MERTK: variants seen among roughly 807,000 people sequenced by gnomAD.
The protein encoded by MERTK is tyrosine-protein kinase Mer.
Under a neutral mutation model 99.3 loss-of-function variants are expected in MERTK, and 69 were observed. That is an observed-to-expected ratio of 0.70 (90% CI 0.57 to 0.85). The LOEUF is 0.85. Ranked by LOEUF, MERTK falls within the 40% of genes least tolerant of loss-of-function variation. The pLI is 0.00. For synonymous variants in MERTK, 426 were observed against 467.6 expected, an observed-to-expected ratio of 0.91 and a Z score of 1.15; for missense variants, 1,125 against 1,249.4, an observed-to-expected ratio of 0.90 and a Z score of 1.50.
intron 1 of MERTK, among the ~76,000 whole-genome samples, chr2:111,899,137 C>T (rs937813385): frequency 1.3e-5 from 2 of 152,176 alleles, no homozygotes; most frequent in African/African-American, 2.4e-5. Flanking sequence ...ACGAGTGGAA[C>T]GTAGGTAGCA....
intron 7 of MERTK, among the ~76,000 whole-genome samples, chr2:111,980,120 C>G (rs1355140340): frequency 6.6e-6 from 1 of 152,208 alleles, no homozygotes; most frequent in Non-Finnish European, 1.5e-5. Flanking sequence ...TAGCCGCTCA[C>G]TTCCTCTAGA....
intron 10 of MERTK, among the ~76,000 whole-genome samples, chr2:111,999,607 C>G (rs1676825618): frequency 6.6e-6 from 1 of 152,144 alleles, no homozygotes; most frequent in Non-Finnish European, 1.5e-5. Flanking sequence ...TTTTTTAGAA[C>G]AGTTTTAATT....
At chr2:111,909,332 A>G (rs760184509) in intron 1 of MERTK, among the ~76,000 whole-genome samples, 21 of 152,174 alleles carry the variant, frequency 1.4e-4, no homozygotes, top group Non-Finnish European at 2.8e-4. Flanking sequence ...GCCCACCAGA[A>G]GTTTTGCCCA....
chr2:111,996,207 A>G (rs1407909081), intron 9 of MERTK: 1 of 150,804 alleles, frequency 6.6e-6, no homozygotes, highest in Non-Finnish European at 1.5e-5. Flanking sequence ...CCACAGTTAA[A>G]TAACACCCAT....
At position 111,968,222 on chromosome 2, in the gene MERTK, A is replaced by G. The variant is rs1412334758; in HGVS notation, c.930A>G (p.Gly310=). ...TCTCCTGGGTTCCTGGTTTTGATGGATACTCCCCGTTCAGGAATTGCAGCA... is the reference window on the plus strand; with the variant it reads ...TCTCCTGGGTTCCTGGTTTTGATGGGTACTCCCCGTTCAGGAATTGCAGCA... ...ILISWVPGFD[G]YSPFRNCSIQ... is the part of the protein sequence containing the mutation. The change falls in exon 6 of 19, where the codon GGA becomes GGG. Residue 310 remains glycine, a synonymous_variant. Coordinates refer to ENST00000295408, the MANE Select transcript of MERTK (RefSeq NM_006343.3). 6 of 1,613,742 alleles carry G rather than the reference A, an allele frequency of 3.7e-6. No individual in the cohort carries two copies. The highest frequency in any genetic ancestry group is 5.1e-6 in the Non-Finnish European group (6 of 1,179,872).
At chr2:111,960,637 T>C (rs1685232534) in intron 4 of MERTK, among the ~76,000 whole-genome samples, 1 of 151,998 alleles carries the variant, frequency 6.6e-6, no homozygotes, top group Admixed American at 6.6e-5. Context: ...AAGAAAATAT[T>C]TTTGCAATTT....
At chr2:111,935,546 A>G (rs1291093224) in intron 2 of MERTK, among the ~76,000 whole-genome samples, 1 of 152,084 alleles carries the variant, frequency 6.6e-6, no homozygotes, top group African/African-American at 2.4e-5. Context: ...ACATTTAAGT[A>G]CGAATCCCAT....
At chr2:112,028,070 A>G (rs948909175) in intron 18 of MERTK, 10 of 463,380 alleles carry the variant, frequency 2.2e-5, no homozygotes, top group Non-Finnish European at 2.7e-5. Flanking sequence ...GCCCGCCGCC[A>G]TATAAAGAAA....
chr2:111,947,654 A>G, intron 4 of MERTK, 87 bp downstream of exon 4: 1 of 1,459,820 alleles, frequency 6.9e-7, no homozygotes, highest in Non-Finnish European at 9.6e-7. Flanking sequence ...CACCACTAGC[A>G]GGCAGTGGAG....
intron 2 of MERTK, chr2:111,940,664 C>A: frequency 1.4e-6 from 1 of 709,372 alleles, no homozygotes; most frequent in Non-Finnish European, 2.7e-6. Flanking sequence ...GGATTATTTA[C>A]GTCCAAATTT....
intron 1 of MERTK, among the ~76,000 whole-genome samples, chr2:111,918,240 C>T: frequency 6.6e-6 from 1 of 152,170 alleles, no homozygotes; most frequent in East Asian, 1.9e-4. Context: ...TCTTTGTTCT[C>T]TGTTACTTAG....
At chr2:112,006,719 A>G (rs536655790) in intron 13 of MERTK, among the ~76,000 whole-genome samples, 132 of 152,302 alleles carry the variant, frequency 8.7e-4, no homozygotes, top group African/African-American at 3.0e-3. Flanking sequence ...GCTCAGCTAC[A>G]TTTACCTGCA....
intron 5 of MERTK, among the ~76,000 whole-genome samples, chr2:111,967,513 G>A (rs996417619): frequency 6.6e-6 from 1 of 151,918 alleles, no homozygotes; most frequent in Non-Finnish European, 1.5e-5. Flanking sequence ...TGTTTCCAAG[G>A]TCATAGCCCA....
At chr2:112,008,515 T>A in intron 14 of MERTK, 40 bp downstream of exon 14, 1 of 1,424,764 alleles carries the variant, frequency 7.0e-7, no homozygotes, top group Non-Finnish European at 9.9e-7. Context: ...CCAAGAGGGC[T>A]CTGCTGATCT....
chr2:111,980,086 G>A (rs1676338232), intron 7 of MERTK, among the ~76,000 whole-genome samples: 3 of 152,150 alleles, frequency 2.0e-5, no homozygotes, highest in African/African-American at 7.2e-5. Flanking sequence ...CCCCCCAACT[G>A]TCAAAATTGG....
At chr2:111,901,392 A>T (rs1478238515) in intron 1 of MERTK, among the ~76,000 whole-genome samples, 1 of 152,142 alleles carries the variant, frequency 6.6e-6, no homozygotes. Context: ...TATTGTAAAC[A>T]TCTTCCCAGA....
chr2:111,966,563 A>C (rs1340052545), intron 5 of MERTK, among the ~76,000 whole-genome samples: 1 of 152,200 alleles, frequency 6.6e-6, no homozygotes, highest in East Asian at 1.9e-4. Flanking sequence ...GCACTTCTCC[A>C]ATTTTATGCT....
intron 2 of MERTK, chr2:111,940,835 T>C (rs1573587104): frequency 9.6e-6 from 9 of 935,612 alleles, no homozygotes; most frequent in African/African-American, 1.6e-5. Context: ...AAACGACAGT[T>C]AACATCTCTG....
intron 15 of MERTK, among the ~76,000 whole-genome samples, chr2:112,011,757 A>G (rs1235051828): frequency 1.3e-5 from 2 of 152,172 alleles, no homozygotes; most frequent in African/African-American, 4.8e-5. Context: ...TCTGAAAAAA[A>G]TAAAAAAAAC....
Sources: allele counts gnomAD v4.1 joint callset (sites outside exome capture counted in the v4.1 genomes callset), GRCh38; gene constraint gnomAD v4.1.1; transcripts MANE v1.5; gene names NCBI Gene and HGNC (gene_info 2026-07-23, HGNC 2026-07-21).